GABRR3: variants seen among roughly 807,000 people sequenced by gnomAD.
GABRR3 encodes gamma-aminobutyric acid type A receptor subunit rho3, also known as gamma-aminobutyric acid receptor subunit rho-3.
GABRR3 carries 29 observed loss-of-function variants against 43.2 expected under a neutral mutation model. The ratio of observed to expected loss-of-function variants is 0.67; its 90% CI spans 0.50 to 0.92. GABRR3 has a LOEUF of 0.92. GABRR3 is among the 40% of genes least tolerant of loss of function. GABRR3 has a pLI of 0.00. For missense variants in GABRR3, 576 were observed against 572.3 expected (o/e 1.01, Z -0.07); for synonymous variants, 206 against 195.9 (o/e 1.05, Z -0.43).
intron 3 of GABRR3, among the ~76,000 whole-genome samples, chr3:98,021,009 G>A (rs1227481747): frequency 6.6e-6 from 1 of 151,472 alleles, no homozygotes; most frequent in African/African-American, 2.4e-5. Flanking sequence ...TTACAGGCAT[G>A]CACTACCACC....
intron 2 of GABRR3, 57 bp downstream of exon 2, chr3:98,034,806 A>C: frequency 1.0e-5 from 16 of 1,599,998 alleles, no homozygotes; most frequent in Non-Finnish European, 5.1e-6. Flanking sequence ...TAGGTCTGAG[A>C]CAACTGTTGA....
intron 8 of GABRR3, chr3:97,997,801 TC>T (rs1286309763): frequency 1.3e-5 from 2 of 152,188 alleles, no homozygotes; most frequent in Admixed American, 1.3e-4. Flanking sequence ...AGAGCTGAGA[TC>T]TCATGAAATT....
intron 8 of GABRR3, among the ~76,000 whole-genome samples, chr3:97,996,838 A>C (rs933696273): frequency 6.6e-6 from 1 of 152,142 alleles, no homozygotes; most frequent in African/African-American, 2.4e-5. Flanking sequence ...TATGCTATGC[A>C]CCCTCTACTG....
At chr3:97,986,973 T>A in exon 10 of GABRR3, 1 of 1,564,598 alleles carries the variant, frequency 6.4e-7, no homozygotes, top group Non-Finnish European at 8.6e-7. Flanking sequence ...ATATTGTACA[T>A]CCTAGAAATC....
At chr3:97,987,120 T>C in intron 9 of GABRR3, 138 bp from the exon 10 acceptor site, 2 of 645,802 alleles carry the variant, frequency 3.1e-6, no homozygotes, top group Non-Finnish European at 5.1e-6. Context: ...TTCAACTTAT[T>C]TTTTTCTTTA....
intron 2 of GABRR3, among the ~76,000 whole-genome samples, chr3:98,030,009 G>A (rs1400941422): frequency 6.6e-6 from 1 of 151,770 alleles, no homozygotes; most frequent in South Asian, 2.1e-4. Context: ...CATCTACTCA[G>A]GAGGCCGAGG....
Position 97,992,993 on chromosome 3 carries a change from C to T in GABRR3, c.963G>A (p.Met321Ile), listed in dbSNP as rs1186464886. 2.5e-6 allele frequency: 4 copies of T among 1,612,904 alleles called. No individual in the cohort carries two copies. In the African/African-American group the frequency reaches 4.0e-5, roughly 16 times the overall value. Residue 321 changes from methionine to isoleucine, a missense_variant, in exon 9 of 10, where the codon ATG (methionine) becomes ATA (isoleucine). Met to Ile is a conservative substitution (Grantham distance 10, BLOSUM62 1). Transcript: ENST00000621172. ...CAGCCTTGAGGTAGGACACCTGGGG[C>T]ATGGAGGCGCTCACAGCAGTGATGA...
chr3:98,002,400 T>G (rs902672248), intron 7 of GABRR3, among the ~76,000 whole-genome samples: 1 of 152,180 alleles, frequency 6.6e-6, no homozygotes, highest in African/African-American at 2.4e-5. Context: ...TTAACTGCGC[T>G]AATTAAAAGC....
intron 3 of GABRR3, among the ~76,000 whole-genome samples, chr3:98,023,723 G>C (rs1347348603): frequency 6.6e-6 from 1 of 152,256 alleles, no homozygotes; most frequent in South Asian, 2.1e-4. Context: ...TCATCTCAAG[G>C]CTTCTGAAAT....
chr3:97,993,112 A>T lies in GABRR3; in HGVS notation c.908-64T>A, dbSNP rs866058396. ...CATTCATTTCCAGGATCTGGTGCTG[A>T]ATCACACCAGGGGATGCATTTCTAG... On this transcript the variant is annotated intron_variant, in intron 8 of 9. Coordinates refer to ENST00000621172, the Ensembl canonical transcript of GABRR3. 149 of 1,307,702 alleles carry T rather than the reference A, an allele frequency of 1.1e-4. No homozygotes were observed. In the Middle Eastern group the frequency reaches 3.8e-3, roughly 33 times the overall value. 81.0% of individuals were successfully genotyped at this position (1,307,702 alleles called of 1,614,324 possible). A position where few individuals can be genotyped will look rare whatever the true frequency, so the allele number is the denominator to read the frequency against.
intron 2 of GABRR3, among the ~76,000 whole-genome samples, chr3:98,029,544 C>T (rs1559782259): frequency 6.6e-6 from 1 of 152,114 alleles, no homozygotes; most frequent in Non-Finnish European, 1.5e-5. Context: ...AATCATCTGA[C>T]TTGAGTCACA....
At chr3:97,994,573 C>T (rs758045853) in intron 8 of GABRR3, among the ~76,000 whole-genome samples, 2 of 152,112 alleles carry the variant, frequency 1.3e-5, no homozygotes, top group Non-Finnish European at 2.9e-5. Context: ...ATACTTGCTA[C>T]GTAAACATGA....
chr3:98,029,887 G>A (rs1019656770), intron 2 of GABRR3, among the ~76,000 whole-genome samples: 27 of 151,854 alleles, frequency 1.8e-4, no homozygotes, highest in Middle Eastern at 3.2e-3. Context: ...AGGCGAAGGC[G>A]GGCGGATCAC....
intron 8 of GABRR3, chr3:97,997,854 C>G (rs1458032804): frequency 2.0e-5 from 3 of 152,258 alleles, no homozygotes; most frequent in African/African-American, 7.2e-5. Flanking sequence ...GACATGTCTT[C>G]ATTTATTGAG....
intron 3 of GABRR3, among the ~76,000 whole-genome samples, chr3:98,020,613 G>C (rs919435335): frequency 6.6e-6 from 1 of 152,008 alleles, no homozygotes. Context: ...GGACAGTCTT[G>C]TAAAACTACC....
exon 3 of GABRR3, chr3:98,025,615 G>C: frequency 6.2e-7 from 1 of 1,613,016 alleles, no homozygotes; most frequent in South Asian, 1.1e-5. Context: ...ATATGGAGAA[G>C]TTGCTCATAT....
At chr3:97,989,463 TGGTGGATGGTGGTAGAG>T (rs1479581209) in intron 9 of GABRR3, among the ~76,000 whole-genome samples, 1 of 144,472 alleles carries the variant, frequency 6.9e-6, no homozygotes, top group African/African-American at 2.6e-5. Flanking sequence ...GTGGTGGTGG[TGGTGGATGGTGGTAGAG>T]GGTGGATGGT....
chr3:98,016,300 C>T (rs978900486), intron 4 of GABRR3, among the ~76,000 whole-genome samples: 10 of 152,124 alleles, frequency 6.6e-5, no homozygotes, highest in South Asian at 4.1e-4. Flanking sequence ...TCAATTATTT[C>T]CCATGACAGT....
Position 97,997,171 on chromosome 3 carries a change from C to T in GABRR3, c.908-4123G>A, listed in dbSNP as rs115845703. Among the ~76,000 whole-genome samples the T allele has an allele frequency of 5.0e-3, 756 of 152,216 alleles. 5 individuals carry two copies. Among genetic ancestry groups the T allele is most frequent in the African/African-American group, 0.017 (714 of 41,528 alleles). ...GGAGATACAGAAAATGCCACGTGTTCAAAGATGAGAGAGACCATGTGTGCT... is the reference window on the plus strand; with the variant it reads ...GGAGATACAGAAAATGCCACGTGTTTAAAGATGAGAGAGACCATGTGTGCT... On this transcript the variant is annotated intron_variant, in intron 8 of 9. Coordinates refer to ENST00000621172, the Ensembl canonical transcript of GABRR3.
Sources: gnomAD v4.1 joint callset for allele counts (sites outside exome capture counted in the v4.1 genomes callset) on GRCh38, gnomAD v4.1.1 for gene constraint, MANE v1.5 for transcripts, NCBI Gene and HGNC (gene_info 2026-07-23, HGNC 2026-07-21) for gene names.